The following PBX1 variants were observed in gnomAD, a reference collection of about 807,000 sequenced individuals.
PBX1 encodes PBX homeobox 1.
A neutral mutation model predicts 53.4 loss-of-function variants in PBX1; 6 were observed. That is an observed-to-expected ratio of 0.11 (90% confidence interval 0.06 to 0.22). The LOEUF (loss-of-function observed/expected upper bound fraction) is 0.22. PBX1 is among the 10% of genes least tolerant of loss of function. The pLI is 1.00. For missense variants in PBX1, 251 were observed against 551.4 expected, an observed-to-expected ratio of 0.46 and a Z score of 5.46; for synonymous variants, 204 against 212.3, an observed-to-expected ratio of 0.96 and a Z score of 0.34.
intron 2 of PBX1, among the ~76,000 whole-genome samples, chr1:164,789,892 T>A (rs532791017): frequency 6.6e-6 from 1 of 152,306 alleles, no homozygotes; most frequent in African/African-American, 2.4e-5. Flanking sequence ...GAGAGTAGAA[T>A]TTTGCCCCAG....
chr1:164,855,333 G>A (rs976645938), downstream of PBX1, among the ~76,000 whole-genome samples: 3 of 152,156 alleles, frequency 2.0e-5, no homozygotes, highest in Non-Finnish European at 2.9e-5. Flanking sequence ...TTCCCAGCCA[G>A]TACACCCTCA....
At chr1:164,626,063 C>T (rs1658017056) in intron 2 of PBX1, 8 of 1,036,342 alleles carry the variant, frequency 7.7e-6, no homozygotes, top group Non-Finnish European at 9.3e-6. Flanking sequence ...GCCCACACAC[C>T]ACCACCCCAG....
At chr1:164,808,831 C>A (rs1277056186) in intron 5 of PBX1, among the ~76,000 whole-genome samples, 1 of 152,184 alleles carries the variant, frequency 6.6e-6, no homozygotes, top group Non-Finnish European at 1.5e-5. Context: ...TGAAAACATT[C>A]TTTCAGATAA....
intron 2 of PBX1, among the ~76,000 whole-genome samples, chr1:164,791,525 ACT>A (rs952281913): frequency 6.6e-6 from 1 of 151,708 alleles, no homozygotes; most frequent in African/African-American, 2.4e-5. Flanking sequence ...GTTAGACCTC[ACT>A]CTCTGCTAGT....
At chr1:164,797,572 C>T (rs539643369) in intron 3 of PBX1, among the ~76,000 whole-genome samples, 12 of 152,124 alleles carry the variant, frequency 7.9e-5, no homozygotes, top group South Asian at 2.1e-4. Flanking sequence ...TATAAGGACC[C>T]GATCTTCTAT....
chr1:164,811,975 C>T lies in PBX1; in HGVS notation c.838-15C>T, dbSNP rs368429962. On this transcript the variant is annotated splice_polypyrimidine_tract_variant and intron_variant, in intron 5 of 8. Transcript: ENST00000420696. ...TGAAATGTGAACTTTCTCATCTTCT[C>T]TTAAACTACTCTAGGTATCAAACTG... 5.7e-5 allele frequency: 91 copies of T among 1,602,836 alleles called. No individual in the cohort carries two copies. The highest frequency in any genetic ancestry group is 1.7e-4 in the Middle Eastern group (1 of 6,036).
intron 2 of PBX1, among the ~76,000 whole-genome samples, chr1:164,865,155 T>C (rs1372310887): frequency 6.6e-6 from 1 of 152,250 alleles, no homozygotes; most frequent in Non-Finnish European, 1.5e-5. Flanking sequence ...GGTGTCATGA[T>C]TCCCATTCTG....
Position 164,648,983 on chromosome 1 carries a change from T to G in PBX1, c.265+85672T>G, listed in dbSNP as rs570929472. Among the ~76,000 whole-genome samples the G allele has an allele frequency of 4.6e-3, 704 of 152,310 alleles. 2 individuals carry two copies. The highest frequency in any genetic ancestry group is 7.7e-3 in the Non-Finnish European group (525 of 68,018). ...ACCTTTGGTATCACAGTTTTGTGAT[T>G]GATGTGACTTAGGCTGTTTGCCTCT... is the stretch of plus-strand genomic sequence containing the variant. On this transcript the variant is annotated intron_variant, in intron 2 of 8. Transcript: ENST00000420696.
intron 2 of PBX1, among the ~76,000 whole-genome samples, chr1:164,601,058 G>A (rs1448329783): frequency 2.6e-5 from 4 of 151,838 alleles, no homozygotes; most frequent in African/African-American, 9.7e-5. Context: ...AACCAGTGTG[G>A]TGAAACCCCG....
intron 2 of PBX1, among the ~76,000 whole-genome samples, chr1:164,582,569 C>T (rs1010780288): frequency 6.6e-6 from 1 of 151,954 alleles, no homozygotes; most frequent in Non-Finnish European, 1.5e-5. Context: ...ATTACAGGCA[C>T]ATGCCACCAC....
At chr1:164,745,528 G>T (rs1453230906) in intron 2 of PBX1, among the ~76,000 whole-genome samples, 1 of 152,148 alleles carries the variant, frequency 6.6e-6, no homozygotes, top group East Asian at 1.9e-4. Flanking sequence ...GTCAACGCAG[G>T]AACTGTGTAA....
At chr1:164,713,152 GAGT>G (rs1232826436) in intron 2 of PBX1, among the ~76,000 whole-genome samples, 1 of 152,184 alleles carries the variant, frequency 6.6e-6, no homozygotes, top group Non-Finnish European at 1.5e-5. Flanking sequence ...CCCTGGGGAG[GAGT>G]TGTAAGTTTT....
At chr1:164,668,067 C>T (rs929315752) in intron 2 of PBX1, among the ~76,000 whole-genome samples, 1 of 152,120 alleles carries the variant, frequency 6.6e-6, no homozygotes, top group African/African-American at 2.4e-5. Flanking sequence ...GATTGATGTC[C>T]ATTTCTACAT....
At chr1:164,568,380 C>T (rs1351305387) in intron 2 of PBX1, among the ~76,000 whole-genome samples, 2 of 152,076 alleles carry the variant, frequency 1.3e-5, no homozygotes, top group Non-Finnish European at 2.9e-5. Context: ...GAGACAGTGT[C>T]CTAGGTCCAG....
chr1:164,562,063 A>G (rs1340961104), intron 1 of PBX1, among the ~76,000 whole-genome samples: 1 of 151,656 alleles, frequency 6.6e-6, no homozygotes, highest in Non-Finnish European at 1.5e-5. Flanking sequence ...TCCTTTTTCT[A>G]GTCACACCTT....
intron 2 of PBX1, among the ~76,000 whole-genome samples, chr1:164,666,940 G>C (rs1660842765): frequency 6.6e-6 from 1 of 152,194 alleles, no homozygotes; most frequent in South Asian, 2.1e-4. Flanking sequence ...GAGGCTTAGA[G>C]ATGTTATGGA....
chr1:164,604,678 A>G (rs1656432683), intron 2 of PBX1, among the ~76,000 whole-genome samples: 1 of 152,214 alleles, frequency 6.6e-6, no homozygotes, highest in Non-Finnish European at 1.5e-5. Flanking sequence ...AGGACTTGGC[A>G]GACAAAATGA....
At chr1:164,868,118 G>A (rs1233390158) in intron 2 of PBX1, among the ~76,000 whole-genome samples, 1 of 152,096 alleles carries the variant, frequency 6.6e-6, no homozygotes, top group Non-Finnish European at 1.5e-5. Flanking sequence ...AAAATAGAGC[G>A]GCTCACTGCT....
At chr1:164,857,964 A>C (rs979101180) in intron 2 of PBX1, among the ~76,000 whole-genome samples, 2 of 152,184 alleles carry the variant, frequency 1.3e-5, no homozygotes, top group Admixed American at 6.6e-5. Context: ...TCTCTAACAT[A>C]TCTCTCTGGG....
Sources: gnomAD v4.1 joint callset for allele counts (sites outside exome capture counted in the v4.1 genomes callset) on GRCh38, gnomAD v4.1.1 for gene constraint, MANE v1.5 for transcripts, NCBI Gene and HGNC (gene_info 2026-07-23, HGNC 2026-07-21) for gene names.